The following BAALC variants were observed in gnomAD, a reference collection of about 807,000 sequenced individuals.
BAALC encodes the protein brain and acute leukemia cytoplasmic protein.
BAALC carries 9 observed loss-of-function variants against 15.5 expected under a neutral mutation model. The ratio of observed to expected loss-of-function variants is 0.58; its 90% CI spans 0.35 to 1.02. The LOEUF (loss-of-function observed/expected upper bound fraction) is 1.02, where lower values mean the gene tolerates loss of function less well. Among genes scored for constraint, BAALC ranks in the 50% least tolerant of loss-of-function variants. The pLI is 0.02. For synonymous variants in BAALC, 80 were observed against 74.6 expected (o/e 1.07, Z -0.37); for missense variants, 201 against 192.4 (o/e 1.04, Z -0.27).
At chr8:103,144,231 T>C (rs62527610) in intron 1 of BAALC, among the ~76,000 whole-genome samples, 10,860 of 152,332 alleles carry the variant, frequency 0.071, 517 homozygotes, top group Non-Finnish European at 0.11. Context: ...TTTCTCCCAG[T>C]TCCACAAAGA....
At chr8:103,209,650 C>T (rs1812406010) in intron 1 of BAALC, among the ~76,000 whole-genome samples, 1 of 152,140 alleles carries the variant, frequency 6.6e-6, no homozygotes, top group Non-Finnish European at 1.5e-5. Context: ...CTTTTATTCC[C>T]CCAGTCCATT....
chr8:103,199,553 T>A (rs1376715685), intron 1 of BAALC, among the ~76,000 whole-genome samples: 2 of 152,152 alleles, frequency 1.3e-5, no homozygotes, highest in African/African-American at 4.8e-5. Flanking sequence ...TGAGCGATTT[T>A]AAAATTTTAA....
At chr8:103,171,577 AT>A (rs1811495900) in intron 1 of BAALC, among the ~76,000 whole-genome samples, 1 of 152,222 alleles carries the variant, frequency 6.6e-6, no homozygotes, top group South Asian at 2.1e-4. Flanking sequence ...CTCCACACAG[AT>A]TCCTCTAGGG....
chr8:103,143,871 C>A (rs1810832861), intron 1 of BAALC, among the ~76,000 whole-genome samples: 1 of 152,208 alleles, frequency 6.6e-6, no homozygotes, highest in Admixed American at 6.5e-5. Context: ...CTCTTCTTTG[C>A]AGTACTTGCT....
intron 1 of BAALC, among the ~76,000 whole-genome samples, chr8:103,177,720 G>A (rs915106031): frequency 5.9e-5 from 9 of 152,288 alleles, no homozygotes; most frequent in African/African-American, 2.2e-4. Context: ...AAAATTACTT[G>A]AACTTTCTCA....
At chr8:103,200,164 C>T (rs576599224) in intron 1 of BAALC, among the ~76,000 whole-genome samples, 4 of 152,170 alleles carry the variant, frequency 2.6e-5, no homozygotes, top group Admixed American at 2.0e-4. Flanking sequence ...CATCTAACAC[C>T]AGTCAGAATG....
chr8:103,154,936 ATAT>A (rs1811058396), intron 1 of BAALC, among the ~76,000 whole-genome samples: 2 of 120,202 alleles, frequency 1.7e-5, no homozygotes, highest in Admixed American at 1.0e-4. Flanking sequence ...ATATATATAT[ATAT>A]AATATATATG....
chr8:103,143,600 C>G (rs532881519), intron 1 of BAALC, among the ~76,000 whole-genome samples: 1 of 152,196 alleles, frequency 6.6e-6, no homozygotes, highest in Non-Finnish European at 1.5e-5. Context: ...TCTGAACACT[C>G]CTTCAACCAC....
chr8:103,185,649 C>G (rs973252961), intron 1 of BAALC, among the ~76,000 whole-genome samples: 1 of 152,228 alleles, frequency 6.6e-6, no homozygotes, highest in Non-Finnish European at 1.5e-5. Context: ...ACCAATGACA[C>G]CTCACTGAGC....
chr8:103,143,063 T>C (rs1219577282), intron 1 of BAALC, among the ~76,000 whole-genome samples: 1 of 152,124 alleles, frequency 6.6e-6, no homozygotes, highest in African/African-American at 2.4e-5. Context: ...GGGAGAGGGA[T>C]ATTTCTGAAG....
chr8:103,187,693 C>T (rs1364825196), intron 1 of BAALC, among the ~76,000 whole-genome samples: 1 of 152,210 alleles, frequency 6.6e-6, no homozygotes, highest in Non-Finnish European at 1.5e-5. Context: ...CTCCTCCCCT[C>T]TGACCTCTGG....
At chr8:103,162,640 C>T (rs949409538) in intron 1 of BAALC, among the ~76,000 whole-genome samples, 2 of 152,076 alleles carry the variant, frequency 1.3e-5, no homozygotes, top group African/African-American at 4.8e-5. Flanking sequence ...CAGTTTATTT[C>T]TCCTGTATTC....
chr8:103,175,952 C>T (rs922252984), intron 1 of BAALC, among the ~76,000 whole-genome samples: 1 of 152,108 alleles, frequency 6.6e-6, no homozygotes, highest in African/African-American at 2.4e-5. Context: ...ATTGAGGGTT[C>T]GAGATATAAA....
intron 1 of BAALC, among the ~76,000 whole-genome samples, chr8:103,178,397 A>G (rs1007443692): frequency 6.6e-6 from 1 of 152,324 alleles, no homozygotes; most frequent in Middle Eastern, 3.4e-3. Context: ...TACAAATTAA[A>G]CCTGGGGAAA....
At chr8:103,196,575 C>G (rs1400472235) in intron 1 of BAALC, among the ~76,000 whole-genome samples, 2 of 152,220 alleles carry the variant, frequency 1.3e-5, no homozygotes, top group African/African-American at 4.8e-5. Flanking sequence ...GACACCACAC[C>G]TGGCCAGATT....
Position 103,213,087 on chromosome 8 carries a change from T to G in BAALC, c.327+2T>G, listed in dbSNP as rs200598736. 1 of 1,613,020 alleles carries G rather than the reference T, an allele frequency of 6.2e-7. No homozygotes were observed. Among genetic ancestry groups the G allele is most frequent in the East Asian group, 2.2e-5 (1 of 44,818 alleles). On this transcript the variant is annotated splice_donor_variant, in intron 2 of 2. Transcript: ENST00000309982. LOFTEE classifies it high-confidence loss of function. ...CAGAATGGCCTTCAGACCACAGAGG[T>G]AGGGTTGCAGCCACAGAATCAACTG...
chr8:103,156,744 G>A (rs1455871544), intron 1 of BAALC, among the ~76,000 whole-genome samples: 2 of 152,186 alleles, frequency 1.3e-5, no homozygotes, highest in African/African-American at 2.4e-5. Context: ...TTGGAAAGTC[G>A]CTGCATGTCT....
intron 1 of BAALC, among the ~76,000 whole-genome samples, chr8:103,159,876 G>A (rs1811183282): frequency 1.3e-5 from 2 of 152,118 alleles, no homozygotes; most frequent in South Asian, 4.2e-4. Flanking sequence ...CCTACAGCCT[G>A]GGCACCTAGG....
chr8:103,192,216 T>A (rs983074605), intron 1 of BAALC, among the ~76,000 whole-genome samples: 1 of 152,144 alleles, frequency 6.6e-6, no homozygotes, highest in Non-Finnish European at 1.5e-5. Context: ...CACCCCTGGC[T>A]AATTTTGGTA....
Sources: gnomAD v4.1 joint callset for allele counts (sites outside exome capture counted in the v4.1 genomes callset) on GRCh38, gnomAD v4.1.1 for gene constraint, MANE v1.5 for transcripts, NCBI Gene and HGNC (gene_info 2026-07-23, HGNC 2026-07-21) for gene names.